The following ZBBX variants were observed in gnomAD, a reference collection of about 807,000 sequenced individuals.
The protein encoded by ZBBX is zinc finger B-box domain-containing protein 1.
A neutral mutation model predicts 108.5 loss-of-function variants in ZBBX; 101 were observed. The ratio of observed to expected loss-of-function variants is 0.93; its 90% confidence interval spans 0.79 to 1.10. ZBBX has a LOEUF of 1.10. Ranked by LOEUF, ZBBX falls within the 50% of genes least tolerant of loss-of-function variation. ZBBX has a pLI of 0.00. For missense variants in ZBBX, 1,009 were observed against 941.4 expected, an observed-to-expected ratio of 1.07 and a Z score of -0.94; for synonymous variants, 356 against 323.4, an observed-to-expected ratio of 1.10 and a Z score of -1.08.
At chr3:167,234,024 T>G in the ZBBX span, among the ~76,000 whole-genome samples, 10 of 151,794 alleles carry the variant, frequency 6.6e-5, no homozygotes, top group African/African-American at 2.4e-4. Context: ...CAATTCAGTC[T>G]TTCTTCATAC....
chr3:167,365,554 A>T (rs1266600653), intron 6 of ZBBX, among the ~76,000 whole-genome samples: 1 of 151,750 alleles, frequency 6.6e-6, no homozygotes, highest in Non-Finnish European at 1.5e-5. Context: ...TGTTATATTA[A>T]ATAACAATAG....
intron 1 of ZBBX, among the ~76,000 whole-genome samples, chr3:167,403,414 G>C (rs1284803772): frequency 6.6e-6 from 1 of 152,036 alleles, no homozygotes; most frequent in Non-Finnish European, 1.5e-5. Context: ...CATCATATCT[G>C]CACTATAAGA....
At chr3:167,265,593 T>C (rs1294686058) in intron 20 of ZBBX, among the ~76,000 whole-genome samples, 2 of 152,260 alleles carry the variant, frequency 1.3e-5, no homozygotes, top group South Asian at 2.1e-4. Flanking sequence ...CCAGGTGGTG[T>C]CTCTCTAGGT....
intron 1 of ZBBX, among the ~76,000 whole-genome samples, chr3:167,405,494 C>T (rs1169979742): frequency 6.6e-6 from 1 of 152,094 alleles, no homozygotes; most frequent in African/African-American, 2.4e-5. Context: ...CTTAAGCAGT[C>T]ATTACATTTG....
intron 16 of ZBBX, among the ~76,000 whole-genome samples, chr3:167,308,652 G>A (rs912751079): frequency 2.0e-5 from 3 of 152,086 alleles, no homozygotes; most frequent in African/African-American, 7.2e-5. Flanking sequence ...ACTTTGCATG[G>A]ACATGGATGG....
At chr3:167,366,589 C>T (rs1405244428) in intron 5 of ZBBX, among the ~76,000 whole-genome samples, 1 of 151,852 alleles carries the variant, frequency 6.6e-6, no homozygotes, top group Non-Finnish European at 1.5e-5. Flanking sequence ...CAACATCACA[C>T]AGAATAAATA....
rs143822487 is a variant in ZBBX at position 167,401,844 on chromosome 3, C to T, written c.-446+5882G>A. 1.1e-3 allele frequency among the ~76,000 whole-genome samples: 163 copies of T among 152,294 alleles called. 1 individual carries two copies. The East Asian group carries it at 0.019, about 18-fold the overall frequency. ...CCAGCTCCTGTTCTAGACGGAGTTG[C>T]TCTGGTTCACACACCTCTGACATTA... On this transcript the variant is annotated intron_variant, in intron 1 of 21. Coordinates refer to the ZBBX transcript ENST00000455345.
intron 6 of ZBBX, among the ~76,000 whole-genome samples, chr3:167,361,219 A>G (rs1744452919): frequency 6.6e-6 from 1 of 152,122 alleles, no homozygotes; most frequent in African/African-American, 2.4e-5. Context: ...CTTATCCTTC[A>G]AAAGTATTAT....
chr3:167,398,649 G>GA (rs1376476375), intron 1 of ZBBX, among the ~76,000 whole-genome samples: 1 of 151,864 alleles, frequency 6.6e-6, no homozygotes, highest in Non-Finnish European at 1.5e-5. Flanking sequence ...GATAGCACGT[G>GA]AAAAAAATTC....
chr3:167,265,977 G>C (rs1180997641), intron 20 of ZBBX, among the ~76,000 whole-genome samples: 1 of 152,204 alleles, frequency 6.6e-6, no homozygotes, highest in Non-Finnish European at 1.5e-5. Context: ...TGGGGGAAGG[G>C]TGGCATTGGT....
chr3:167,301,314 T>C (rs1475239044), intron 17 of ZBBX, among the ~76,000 whole-genome samples: 2 of 152,148 alleles, frequency 1.3e-5, no homozygotes, highest in Non-Finnish European at 2.9e-5. Flanking sequence ...AGGAATTCAA[T>C]GGGATGCAAA....
At chr3:167,193,669 G>T in the ZBBX span, among the ~76,000 whole-genome samples, 1 of 152,056 alleles carries the variant, frequency 6.6e-6, no homozygotes, top group African/African-American at 2.4e-5. Flanking sequence ...GAATTCCAAA[G>T]TTGTCTCATG....
intron 20 of ZBBX, among the ~76,000 whole-genome samples, chr3:167,265,274 G>A (rs1265336538): frequency 6.6e-6 from 1 of 152,158 alleles, no homozygotes; most frequent in Non-Finnish European, 1.5e-5. Context: ...CAGGGTCTGA[G>A]GGCTCTTCAG....
intron 4 of ZBBX, among the ~76,000 whole-genome samples, chr3:167,371,927 G>T (rs1228135467): frequency 6.6e-6 from 1 of 152,160 alleles, no homozygotes; most frequent in East Asian, 1.9e-4. Flanking sequence ...AAAAATGATA[G>T]TCTGGGCTGG....
chr3:167,388,770 C>T (rs2108635884), intron 1 of ZBBX, among the ~76,000 whole-genome samples: 1 of 152,022 alleles, frequency 6.6e-6, no homozygotes, highest in East Asian at 1.9e-4. Context: ...AATGACCCAG[C>T]TCCTGCCATC....
At chr3:167,230,506 C>T in the ZBBX span, among the ~76,000 whole-genome samples, 3 of 151,610 alleles carry the variant, frequency 2.0e-5, no homozygotes, top group South Asian at 4.1e-4. Context: ...TATACAGTGG[C>T]CAGTAAGGAC....
the ZBBX span, among the ~76,000 whole-genome samples, chr3:167,209,842 C>G: frequency 6.6e-6 from 1 of 152,164 alleles, no homozygotes; most frequent in African/African-American, 2.4e-5. Flanking sequence ...GTAATCCCAG[C>G]ACTTTGGGAG....
chr3:167,287,919 A>G (rs1729984940), intron 19 of ZBBX, among the ~76,000 whole-genome samples: 1 of 152,158 alleles, frequency 6.6e-6, no homozygotes, highest in African/African-American at 2.4e-5. Context: ...CATAGATTTT[A>G]GGGCAAGAGA....
chr3:167,294,611 A>T (rs1362668127), intron 18 of ZBBX, among the ~76,000 whole-genome samples: 1 of 152,192 alleles, frequency 6.6e-6, no homozygotes, highest in African/African-American at 2.4e-5. Context: ...AAACCTGGCA[A>T]TACCATTCAG....
Sources: allele counts gnomAD v4.1 joint callset (sites outside exome capture counted in the v4.1 genomes callset), GRCh38; gene constraint gnomAD v4.1.1; transcripts MANE v1.5; gene names NCBI Gene and HGNC (gene_info 2026-07-23, HGNC 2026-07-21).